The following SRP72 variants were observed in gnomAD, a reference collection of about 807,000 sequenced individuals.
SRP72 encodes signal recognition particle 72.
A neutral mutation model predicts 96.3 loss-of-function variants in SRP72; 49 were observed. That is an observed-to-expected ratio of 0.51 (90% confidence interval 0.40 to 0.65). The LOEUF is 0.65. Ranked by LOEUF, SRP72 falls within the 30% of genes least tolerant of loss-of-function variation. The pLI is 0.00. For synonymous variants in SRP72, 267 were observed against 275.2 expected (o/e 0.97, Z 0.30); for missense variants, 736 against 793.3 (o/e 0.93, Z 0.87).
intron 12 of SRP72, 135 bp downstream of exon 12, chr4:56,488,148 T>C (rs1720783619): frequency 3.3e-6 from 2 of 603,260 alleles, no homozygotes; most frequent in African/African-American, 3.9e-5. Flanking sequence ...GTAATAGTTG[T>C]CTGGTATAAA....
At chr4:56,479,869 A>G (rs1221739701) in intron 8 of SRP72, among the ~76,000 whole-genome samples, 3 of 152,202 alleles carry the variant, frequency 2.0e-5, no homozygotes, top group East Asian at 1.9e-4. Flanking sequence ...ATCTTGATAT[A>G]CCATGTGATT....
At chr4:56,475,132 A>G (rs1035746888) in intron 5 of SRP72, among the ~76,000 whole-genome samples, 56 of 152,238 alleles carry the variant, frequency 3.7e-4, no homozygotes, top group Non-Finnish European at 7.6e-4. Context: ...GTGGAAAAAA[A>G]GGTGAAACAA....
chr4:56,470,115 C>G (rs1031791767), intron 2 of SRP72, among the ~76,000 whole-genome samples: 1 of 151,530 alleles, frequency 6.6e-6, no homozygotes, highest in African/African-American at 2.4e-5. Flanking sequence ...TATACCTAGG[C>G]TCCAAAAAAA....
chr4:56,478,159 T>A (rs540140644), intron 6 of SRP72, among the ~76,000 whole-genome samples: 14 of 151,520 alleles, frequency 9.2e-5, no homozygotes, highest in South Asian at 2.1e-4. Flanking sequence ...CTTTTCTTTT[T>A]TTTTTTTTTT....
chr4:56,487,890 A>AT (rs919080856), intron 11 of SRP72, 59 bp from the exon 12 acceptor site: 2,976 of 1,313,206 alleles, frequency 2.3e-3, no homozygotes, highest in Non-Finnish European at 2.6e-3. Context: ...AATTTCTTGT[A>AT]TTTTTTTTTC....
rs1207997796 is a variant in SRP72 at position 56,469,704 on chromosome 4, GCCTT to G, written c.162_165del (p.Cys54Ter). 6.2e-7 allele frequency: 1 copy of G among 1,612,926 alleles called. No homozygotes were observed. ...ACTGCCCTGCATTGTAAAGTGGTAT[GCCTT>G]ATCCAGAATGGAAGTTTCAAGGAAG... is the stretch of plus-strand genomic sequence containing the variant. On this transcript the variant is annotated frameshift_variant, in exon 2 of 19. Transcript: ENST00000642900. LOFTEE classifies it high-confidence loss of function.
chr4:56,477,433 T>C (rs1322231970), intron 6 of SRP72, among the ~76,000 whole-genome samples: 1 of 150,968 alleles, frequency 6.6e-6, no homozygotes, highest in African/African-American at 2.4e-5. Context: ...GCCTCCTGAG[T>C]AGCACCACCA....
At position 56,491,527 on chromosome 4, in the gene SRP72, G is replaced by T; in HGVS notation, c.1599G>T (p.Lys533Asn). 1 of 1,613,954 alleles carries T rather than the reference G, an allele frequency of 6.2e-7. No homozygotes were observed. Among genetic ancestry groups the T allele is most frequent in the Non-Finnish European group, 8.5e-7 (1 of 1,179,908 alleles). Residue 533 changes from lysine to asparagine, a missense_variant, in exon 16 of 19, where the codon AAG becomes AAT. Physicochemically the swap from Lys to Asn is moderately conservative, Grantham distance 94. Coordinates refer to ENST00000642900, the MANE Select transcript of SRP72 (RefSeq NM_006947.4). ...CTGGTGCTACATACATTCGGAAGAA[G>T]GGTGGAAAAGTTACTGGAGATAGTC... is the stretch of plus-strand genomic sequence containing the variant. ...NSAGATYIRK[K>N]GGKVTGDSQP...
intron 10 of SRP72, among the ~76,000 whole-genome samples, chr4:56,485,649 A>T (rs910408121): frequency 6.6e-6 from 1 of 152,104 alleles, no homozygotes; most frequent in African/African-American, 2.4e-5. Flanking sequence ...AAAAATACAA[A>T]AAATTAGCCT....
intron 1 of SRP72, among the ~76,000 whole-genome samples, chr4:56,468,837 C>T (rs1186176980): frequency 6.6e-6 from 1 of 152,178 alleles, no homozygotes; most frequent in Non-Finnish European, 1.5e-5. Context: ...ATTCTTTAAT[C>T]AGCAAAGATT....
intron 17 of SRP72, among the ~76,000 whole-genome samples, chr4:56,497,854 A>G (rs901207761): frequency 6.6e-6 from 1 of 152,164 alleles, no homozygotes; most frequent in Non-Finnish European, 1.5e-5. Context: ...CATTTCACCA[A>G]CACTGGGTAT....
chr4:56,478,249 C>CT (rs1162933902), intron 6 of SRP72, 130 bp from the exon 7 acceptor site: 2 of 723,306 alleles, frequency 2.8e-6, no homozygotes, highest in Non-Finnish European at 3.8e-6. Flanking sequence ...TTCTAAAGAA[C>CT]TGACTCTAAG....
In SRP72 at chr4:56,474,072, T is replaced by G. The variant is rs575420923; in HGVS notation, c.373T>G (p.Tyr125Asp). 1 of 1,613,926 alleles carries G rather than the reference T, an allele frequency of 6.2e-7. No individual in the cohort carries two copies. The highest frequency in any genetic ancestry group is 8.5e-7 in the Non-Finnish European group (1 of 1,179,956). The change falls in exon 4 of 19, where the codon TAT becomes GAT. Residue 125 changes from tyrosine (Y) to aspartate (D), a missense_variant. This residue lies in a region of SRP72 where 329 missense variants were observed against 319.0 expected (regional missense o/e 1.03). Transcript: ENST00000642900. ...TATTCAGTTATACCGTTTGGAACGC[T>G]ATGATGAATGCTTAGCAGTGTATAG... ...YGQVLYRLERYDECLAVYRDL... is the reference protein window; with the variant it reads ...YGQVLYRLERDDECLAVYRDL...
intron 1 of SRP72, among the ~76,000 whole-genome samples, chr4:56,468,176 G>A (rs1578171182): frequency 2.0e-5 from 3 of 152,180 alleles, no homozygotes; most frequent in South Asian, 2.1e-4. Flanking sequence ...CCGCTAAAGG[G>A]GGAGGAACCT....
Position 56,476,664 on chromosome 4 carries a change from C to A in SRP72, c.611-7C>A. On this transcript the variant is annotated splice_polypyrimidine_tract_variant and splice_region_variant and intron_variant, in intron 5 of 18. Coordinates refer to ENST00000642900, the MANE Select transcript of SRP72 (RefSeq NM_006947.4). The stretch of plus-strand genomic sequence containing the variant: ...ATACTACTTTTAAAACAATTTTTCT[C>A]CTGTAGATCTTTGCCGCCGTTCATT... 6.2e-7 allele frequency: 1 copy of A among 1,612,042 alleles called. No homozygotes were observed.
At chr4:56,475,503 A>T (rs1469834534) in intron 5 of SRP72, among the ~76,000 whole-genome samples, 1 of 150,750 alleles carries the variant, frequency 6.6e-6, no homozygotes, top group Non-Finnish European at 1.5e-5. Context: ...TTGAGGCTCC[A>T]GTGAGCTGAA....
intron 12 of SRP72, among the ~76,000 whole-genome samples, chr4:56,488,277 A>T (rs1342501894): frequency 6.6e-6 from 1 of 152,280 alleles, no homozygotes; most frequent in South Asian, 2.1e-4. Flanking sequence ...CTGTATAGGA[A>T]TTTCTTAGCC....
rs1338770728 is a variant in SRP72 at position 56,487,942 on chromosome 4, T to C, written c.1160-7T>C. ...TATGTAATGCTGATTTTGTTTATTC[T>C]CCTAAGGTAATATTTCTAAAGCATG... On this transcript the variant is annotated splice_polypyrimidine_tract_variant and splice_region_variant and intron_variant, in intron 11 of 18. Coordinates refer to ENST00000642900, the MANE Select transcript of SRP72 (RefSeq NM_006947.4). 2.5e-6 allele frequency: 4 copies of C among 1,589,396 alleles called. No individual in the cohort carries two copies. In the South Asian group the frequency reaches 4.6e-5, roughly 18 times the overall value.
At chr4:56,494,604 A>G (rs192545283) in intron 16 of SRP72, among the ~76,000 whole-genome samples, 2 of 151,946 alleles carry the variant, frequency 1.3e-5, no homozygotes, top group African/African-American at 4.8e-5. Flanking sequence ...GGGTTTTACT[A>G]TGTTGTCCAG....
Sources: gnomAD v4.1 joint callset for allele counts (sites outside exome capture counted in the v4.1 genomes callset) on GRCh38, gnomAD v4.1.1 for gene constraint, gnomAD v4.1.1 regional missense constraint, MANE v1.5 for transcripts, NCBI Gene and HGNC (gene_info 2026-07-23, HGNC 2026-07-21) for gene names.